The following CERS4 variants were observed in gnomAD, a reference collection of about 807,000 sequenced individuals.
CERS4 encodes LAG1 homolog, ceramide synthase 4.
A neutral mutation model predicts 51.8 loss-of-function variants in CERS4; 65 were observed. That is an observed-to-expected ratio of 1.26 (90% CI 1.03 to 1.54). CERS4 has a LOEUF of 1.54. Among genes scored for constraint, CERS4 ranks in the 40% most tolerant of loss-of-function variants. The probability of loss-of-function intolerance (pLI) is 0.00; values close to 1 mark genes in which losing one functional copy is unlikely to be tolerated. For synonymous variants in CERS4, 228 were observed against 208.4 expected (o/e 1.09, Z -0.81); for missense variants, 563 against 500.4 (o/e 1.13, Z -1.19).
chr19:8,218,173 C>G (rs1428816260), intron 2 of CERS4, among the ~76,000 whole-genome samples: 2 of 152,168 alleles, frequency 1.3e-5, no homozygotes, highest in Non-Finnish European at 2.9e-5. Flanking sequence ...CCATATTGGC[C>G]AGGCTGGTCT....
At chr19:8,259,329 A>G (rs1169381043) in intron 10 of CERS4, among the ~76,000 whole-genome samples, 2 of 152,134 alleles carry the variant, frequency 1.3e-5, no homozygotes, top group Middle Eastern at 3.2e-3. Flanking sequence ...AGGCAAGACC[A>G]TGCCCGGCAT....
chr19:8,261,636 G>T, intron 10 of CERS4, 52 bp from the exon 11 acceptor site: 3 of 1,606,526 alleles, frequency 1.9e-6, no homozygotes, highest in Non-Finnish European at 2.6e-6. Flanking sequence ...TTAGGACTGG[G>T]GGCTACAGCG....
chr19:8,256,276 A>T lies in CERS4; in HGVS notation c.509A>T (p.Tyr170Phe). ...LWAPVMCWDR[Y>F]PNQTLKPSLY... ...GCACCAGTAATGTGCTGGGACAGGT[A>T]CCCAAACCAGGTGAGTGGCAGAGTG... The change falls in exon 7 of 12, where the codon TAC becomes TTC. Residue 170 changes from tyrosine (Y) to phenylalanine (F), a missense_variant. Transcript: ENST00000251363. The T allele has an allele frequency of 1.9e-6, 3 of 1,613,638 alleles. No individual in the cohort carries two copies. The highest frequency in any genetic ancestry group is 2.5e-6 in the Non-Finnish European group (3 of 1,179,810).
chr19:8,245,372 T>C (rs1968733993), intron 2 of CERS4, among the ~76,000 whole-genome samples: 1 of 152,062 alleles, frequency 6.6e-6, no homozygotes, highest in Admixed American at 6.6e-5. Flanking sequence ...TGCCTCTGCC[T>C]CACGAGTAGC....
intron 8 of CERS4, 111 bp from the exon 9 acceptor site, chr19:8,256,838 T>A: frequency 4.4e-6 from 7 of 1,586,962 alleles, no homozygotes; most frequent in Non-Finnish European, 6.0e-6. Flanking sequence ...ATAGAGGCCA[T>A]GGGCCCAGAG....
intron 10 of CERS4, among the ~76,000 whole-genome samples, chr19:8,260,171 T>TG (rs758740499): frequency 1.5e-4 from 22 of 151,606 alleles, no homozygotes; most frequent in Non-Finnish European, 2.7e-4. Context: ...TACAGCTGAT[T>TG]GGGGGGTAGG....
chr19:8,249,340 G>A (rs1441847529), intron 2 of CERS4, among the ~76,000 whole-genome samples: 3 of 152,164 alleles, frequency 2.0e-5, no homozygotes, highest in Admixed American at 6.6e-5. Flanking sequence ...GAACCACTGT[G>A]GTAGGCTGGA....
intron 2 of CERS4, among the ~76,000 whole-genome samples, chr19:8,228,120 A>G (rs1046385923): frequency 2.6e-4 from 39 of 152,090 alleles, no homozygotes; most frequent in African/African-American, 9.4e-4. Flanking sequence ...TCGGCCTCCC[A>G]AAGTGCTGAG....
At chr19:8,240,260 C>G (rs1260425127) in intron 2 of CERS4, among the ~76,000 whole-genome samples, 1 of 152,014 alleles carries the variant, frequency 6.6e-6, no homozygotes, top group African/African-American at 2.4e-5. Context: ...GGAATGTGTG[C>G]AGAAATAAGG....
chr19:8,235,071 G>C (rs1391528896), intron 2 of CERS4, among the ~76,000 whole-genome samples: 2 of 143,816 alleles, frequency 1.4e-5, no homozygotes, highest in Non-Finnish European at 3.0e-5. Context: ...TGCAATGGCA[G>C]GATCTCGGCT....
chr19:8,219,530 G>A (rs1290124363), intron 2 of CERS4, among the ~76,000 whole-genome samples: 1 of 151,946 alleles, frequency 6.6e-6, no homozygotes, highest in Non-Finnish European at 1.5e-5. Flanking sequence ...AATTAGCTGG[G>A]TGAGGGCTGG....
intron 2 of CERS4, among the ~76,000 whole-genome samples, chr19:8,228,534 G>A (rs1215623197): frequency 2.0e-5 from 3 of 151,998 alleles, no homozygotes; most frequent in African/African-American, 7.3e-5. Flanking sequence ...AAATTAGCTG[G>A]GTGTGGTGTA....
chr19:8,238,581 T>C, intron 2 of CERS4: 4 of 985,242 alleles, frequency 4.1e-6, no homozygotes, highest in Non-Finnish European at 4.8e-6. Flanking sequence ...AGGCCCCTCT[T>C]TACTTCCTTC....
chr19:8,258,658 C>G lies in CERS4; in HGVS notation c.848+673C>G, dbSNP rs139538135. On this transcript the variant is annotated intron_variant, in intron 10 of 11. Coordinates refer to ENST00000251363, the MANE Select transcript of CERS4 (RefSeq NM_024552.3). The stretch of plus-strand genomic sequence containing the variant: ...AGGAGTTTGACACCAGCCTGGCCAA[C>G]ATGGTGAAACCTTGTCTCTATTAAA... Among the ~76,000 whole-genome samples the G allele has an allele frequency of 2.1e-3, 323 of 152,200 alleles. 1 individual carries two copies. Among genetic ancestry groups the G allele is most frequent in the African/African-American group, 7.5e-3 (310 of 41,518 alleles).
At chr19:8,226,264 G>T (rs896646024) in intron 2 of CERS4, among the ~76,000 whole-genome samples, 3 of 152,142 alleles carry the variant, frequency 2.0e-5, no homozygotes, top group Admixed American at 6.6e-5. Flanking sequence ...ATGCAGGGAG[G>T]TAAGGGCTTG....
chr19:8,213,153 G>GGACT (rs1967149206), intron 2 of CERS4, among the ~76,000 whole-genome samples: 1 of 151,654 alleles, frequency 6.6e-6, no homozygotes, highest in South Asian at 2.1e-4. Context: ...AATCAGCCTG[G>GGACT]GACTACAGGC....
At position 8,262,041 on chromosome 19, in the gene CERS4, G is replaced by GC; in HGVS notation, c.1122dup (p.Thr375HisfsTer2). 1 of 1,554,116 alleles carries GC rather than the reference G, an allele frequency of 6.4e-7. No individual in the cohort carries two copies. Among genetic ancestry groups the GC allele is most frequent in the Non-Finnish European group, 8.7e-7 (1 of 1,154,192 alleles). On this transcript the variant is annotated frameshift_variant, in exon 12 of 12. Transcript: ENST00000251363. LOFTEE classifies it low-confidence loss of function (END_TRUNC). The stretch of plus-strand genomic sequence containing the variant: ...CGGGGCAGCTGGAGGGCCCAGGCCA[G>GC]CCCCCACTGATGGCCCTCGGAGCCG...
chr19:8,254,378 C>T (rs1969257914), intron 3 of CERS4, 121 bp from the exon 4 acceptor site: 1 of 660,440 alleles, frequency 1.5e-6, no homozygotes, highest in African/African-American at 1.8e-5. Context: ...GCTGTGCTCT[C>T]TGAGCCTGTA....
In CERS4 at chr19:8,251,067, T is replaced by C; in HGVS notation, c.-1-9T>C. 2 of 1,577,478 alleles carry C rather than the reference T, an allele frequency of 1.3e-6. No individual in the cohort carries two copies. The highest frequency in any genetic ancestry group is 1.7e-6 in the Non-Finnish European group (2 of 1,160,714). On this transcript the variant is annotated splice_polypyrimidine_tract_variant and intron_variant, in intron 2 of 11. Transcript: ENST00000251363. Reference sequence around the variant, plus strand: ...AGACCTCCCAGCTAACTGGAACCTGTGTCCACAGAATGCTGTCCAGTTTCA... The same window carrying C: ...AGACCTCCCAGCTAACTGGAACCTGCGTCCACAGAATGCTGTCCAGTTTCA...
Sources: gnomAD v4.1 joint callset for allele counts (sites outside exome capture counted in the v4.1 genomes callset) on GRCh38, gnomAD v4.1.1 for gene constraint, MANE v1.5 for transcripts, NCBI Gene and HGNC (gene_info 2026-07-23, HGNC 2026-07-21) for gene names.